The following ERC1 variants were observed in gnomAD, a reference collection of about 807,000 sequenced individuals.
ERC1 encodes ELKS/RAB6-interacting/CAST family member 1, also known as RAB6 interacting protein 2.
ERC1 carries 56 observed loss-of-function variants against 132.0 expected under a neutral mutation model. That is an observed-to-expected ratio of 0.42 (90% CI 0.34 to 0.53). The LOEUF (loss-of-function observed/expected upper bound fraction) is 0.53, where lower values mean the gene tolerates loss of function less well. Ranked by LOEUF, ERC1 falls within the 20% of genes least tolerant of loss-of-function variation. The pLI, the probability that ERC1 is intolerant of heterozygous loss-of-function variation, is 0.03. For synonymous variants in ERC1, 478 were observed against 476.1 expected (o/e 1.00, Z -0.05); for missense variants, 1,202 against 1,349.9 (o/e 0.89, Z 1.72).
intron 12 of ERC1, among the ~76,000 whole-genome samples, chr12:1,225,477 C>A (rs1406626817): frequency 1.3e-5 from 2 of 151,686 alleles, no homozygotes; most frequent in East Asian, 1.9e-4. Flanking sequence ...CACACACACA[C>A]ACACACACAC....
intron 8 of ERC1, among the ~76,000 whole-genome samples, chr12:1,177,789 G>T (rs1953912108): frequency 6.6e-6 from 1 of 152,178 alleles, no homozygotes; most frequent in Non-Finnish European, 1.5e-5. Context: ...GCTCGACGCA[G>T]GGTTCCCACA....
At chr12:1,033,598 G>A (rs1968493113) in intron 2 of ERC1, among the ~76,000 whole-genome samples, 1 of 151,986 alleles carries the variant, frequency 6.6e-6, no homozygotes, top group Non-Finnish European at 1.5e-5. Context: ...CGAGTGGCCA[G>A]GATTACAGGC....
chr12:1,224,477 T>C (rs1478093817), intron 12 of ERC1, among the ~76,000 whole-genome samples: 1 of 151,814 alleles, frequency 6.6e-6, no homozygotes, highest in Non-Finnish European at 1.5e-5. Flanking sequence ...AGAAAATGGA[T>C]TAAGAAAATC....
chr12:1,388,907 C>T (rs1412448303), intron 16 of ERC1, among the ~76,000 whole-genome samples: 1 of 152,224 alleles, frequency 6.6e-6, no homozygotes, highest in African/African-American at 2.4e-5. Context: ...ACAAAGTCCA[C>T]CGCAGATCTT....
chr12:1,092,821 T>A (rs2154192786), intron 3 of ERC1, among the ~76,000 whole-genome samples: 1 of 152,194 alleles, frequency 6.6e-6, no homozygotes, highest in South Asian at 2.1e-4. Flanking sequence ...ATTAGCTGAG[T>A]GTGGTGGTGC....
rs1945965327 is a variant in ERC1, at chr12:1,112,254, C to T, written c.1357C>T (p.Gln453Ter). 1.2e-6 allele frequency: 2 copies of T among 1,612,954 alleles called. No individual in the cohort carries two copies. The highest frequency in any genetic ancestry group is 1.7e-5 in the Admixed American group (1 of 59,986). Residue 453 changes from glutamine (Q) to a stop codon, truncating the protein, a stop_gained, in exon 6 of 19, where the codon CAA becomes TAA. Coordinates refer to ENST00000360905, the MANE Select transcript of ERC1 (RefSeq NM_178040.4). LOFTEE classifies it high-confidence loss of function. Reference protein sequence around the residue: ...LKEELSSKEAQWEELKKKAAG... With the variant: ...LKEELSSKEA The stretch of plus-strand genomic sequence containing the variant: ...GGAGGAACTAAGTTCGAAAGAGGCT[C>T]AATGGGAGGAGCTGAAAAAGAAAGC...
intron 13 of ERC1, among the ~76,000 whole-genome samples, chr12:1,250,880 G>T (rs973457815): frequency 3.3e-5 from 5 of 152,160 alleles, no homozygotes; most frequent in African/African-American, 1.2e-4. Context: ...AGAGGTTGTT[G>T]TGAGAGAGAT....
intron 13 of ERC1, among the ~76,000 whole-genome samples, chr12:1,250,274 T>C (rs1021281729): frequency 3.3e-5 from 5 of 152,232 alleles, no homozygotes; most frequent in Non-Finnish European, 7.3e-5. Context: ...AGATTCTGCC[T>C]TCAAATTAAC....
At chr12:1,109,241 ATAT>A (rs1341899828) in intron 4 of ERC1, among the ~76,000 whole-genome samples, 3 of 152,218 alleles carry the variant, frequency 2.0e-5, no homozygotes, top group Non-Finnish European at 2.9e-5. Flanking sequence ...TTGGAAGGTG[ATAT>A]TTGTGGTAGA....
intron 1 of ERC1, among the ~76,000 whole-genome samples, chr12:1,021,434 C>T (rs1966349870): frequency 6.6e-6 from 1 of 151,336 alleles, no homozygotes. Flanking sequence ...TCCGGCCGGG[C>T]GCGGTGGCTC....
chr12:1,071,410 C>T lies in ERC1; in HGVS notation c.670-11754C>T, dbSNP rs1176733553. On this transcript the variant is annotated intron_variant, in intron 2 of 18. Transcript: ENST00000360905. ...GTTTTGATTTGCATTTCCCCAGTTACTAAAGATACTAGTCACTTTTTCGTT... is the reference window on the plus strand; with the variant it reads ...GTTTTGATTTGCATTTCCCCAGTTATTAAAGATACTAGTCACTTTTTCGTT... Among the ~76,000 whole-genome samples, 75 of 152,274 alleles carry T rather than the reference C, an allele frequency of 4.9e-4. 1 individual carries two copies. Among genetic ancestry groups the T allele is most frequent in the Non-Finnish European group, 1.0e-4 (7 of 68,030 alleles).
intron 14 of ERC1, among the ~76,000 whole-genome samples, chr12:1,274,602 T>C (rs11615950): frequency 0.25 from 38,448 of 151,862 alleles, 5,411 homozygotes; most frequent in Admixed American, 0.31. Context: ...AAGCAATTCT[T>C]CTGCTTCAGC....
intron 15 of ERC1, among the ~76,000 whole-genome samples, chr12:1,369,169 C>T (rs567867111): frequency 6.6e-6 from 1 of 152,256 alleles, no homozygotes; most frequent in South Asian, 2.1e-4. Flanking sequence ...ACTCCAATGC[C>T]ACATTCCTCA....
intron 17 of ERC1, among the ~76,000 whole-genome samples, chr12:1,420,550 A>G (rs993429259): frequency 6.6e-6 from 1 of 151,992 alleles, no homozygotes; most frequent in Non-Finnish European, 1.5e-5. Context: ...CTGCCTCCCG[A>G]GTTCACACTG....
intron 12 of ERC1, among the ~76,000 whole-genome samples, chr12:1,191,031 T>A (rs1038858106): frequency 2.0e-5 from 3 of 152,128 alleles, no homozygotes; most frequent in Admixed American, 6.5e-5. Context: ...TCTATAGTCA[T>A]AGAATTTTAA....
At chr12:1,474,083 G>A (rs181074279) in intron 18 of ERC1, among the ~76,000 whole-genome samples, 21 of 152,316 alleles carry the variant, frequency 1.4e-4, no homozygotes, top group African/African-American at 5.1e-4. Context: ...TAAGAAGCCT[G>A]CAGATTCAAG....
chr12:1,063,093 C>T (rs1286519741), intron 2 of ERC1, among the ~76,000 whole-genome samples: 2 of 151,484 alleles, frequency 1.3e-5, no homozygotes, highest in Non-Finnish European at 2.9e-5. Flanking sequence ...GACGGAGTTT[C>T]ACCCTTGTTG....
chr12:1,382,524 A>G (rs2088802947), intron 16 of ERC1, among the ~76,000 whole-genome samples: 1 of 152,242 alleles, frequency 6.6e-6, no homozygotes, highest in South Asian at 2.1e-4. Flanking sequence ...ATCAGTCCAC[A>G]AGGCTGATTT....
At chr12:1,064,812 G>C (rs955733502) in intron 2 of ERC1, among the ~76,000 whole-genome samples, 11 of 152,176 alleles carry the variant, frequency 7.2e-5, no homozygotes, top group African/African-American at 2.2e-4. Flanking sequence ...AGGGATATAT[G>C]CCTGTATCTC....
Sources: allele counts gnomAD v4.1 joint callset (sites outside exome capture counted in the v4.1 genomes callset), GRCh38; gene constraint gnomAD v4.1.1; transcripts MANE v1.5; gene names NCBI Gene and HGNC (gene_info 2026-07-23, HGNC 2026-07-21).